Variants in RBFOX1 observed in about 807,000 individuals in gnomAD.
RBFOX1 encodes RNA binding protein fox-1 homolog 1.
A neutral mutation model predicts 57.7 loss-of-function variants in RBFOX1; 8 were observed. That is an observed-to-expected ratio of 0.14 (90% confidence interval 0.08 to 0.25). RBFOX1 has a LOEUF of 0.25. Among genes scored for constraint, RBFOX1 ranks in the 10% least tolerant of loss-of-function variants. RBFOX1 has a pLI of 1.00. For synonymous variants in RBFOX1, 326 were observed against 222.4 expected, an observed-to-expected ratio of 1.47 and a Z score of -4.15; for missense variants, 611 against 548.5, an observed-to-expected ratio of 1.11 and a Z score of -1.14.
chr16:7,231,033 C>G (rs1462849705), intron 4 of RBFOX1, among the ~76,000 whole-genome samples: 2 of 152,252 alleles, frequency 1.3e-5, no homozygotes, highest in East Asian at 3.9e-4. Context: ...CTCTAGCCCC[C>G]TGAGCATCAG....
intron 3 of RBFOX1, among the ~76,000 whole-genome samples, chr16:6,665,508 G>T (rs1002384105): frequency 6.6e-6 from 1 of 151,524 alleles, no homozygotes; most frequent in African/African-American, 2.4e-5. Flanking sequence ...ACCTGTAATC[G>T]CAGCTACTTG....
At chr16:6,292,260 TA>T (rs1023342783) in intron 1 of RBFOX1, among the ~76,000 whole-genome samples, 14 of 152,032 alleles carry the variant, frequency 9.2e-5, no homozygotes, top group Admixed American at 8.5e-4. Flanking sequence ...ATGCCATCTC[TA>T]AAAATAAAAT....
chr16:7,545,075 A>C (rs1601462953), intron 5 of RBFOX1, among the ~76,000 whole-genome samples: 1 of 152,348 alleles, frequency 6.6e-6, no homozygotes, highest in East Asian at 1.9e-4. Flanking sequence ...CATGCAGAAT[A>C]AAAGCTATCA....
chr16:6,792,572 T>G (rs2083177628), intron 3 of RBFOX1, among the ~76,000 whole-genome samples: 1 of 152,232 alleles, frequency 6.6e-6, no homozygotes, highest in South Asian at 2.1e-4. Context: ...CTCAACGCCA[T>G]GTAGTACTGT....
chr16:5,750,987 C>T (rs981110942), intron 3 of RBFOX1, among the ~76,000 whole-genome samples: 13 of 152,252 alleles, frequency 8.5e-5, no homozygotes, highest in Admixed American at 1.3e-4. Flanking sequence ...TGTTCCTATT[C>T]GGCAATCTTG....
chr16:5,469,000 G>C (rs557783380), intron 2 of RBFOX1, among the ~76,000 whole-genome samples: 2 of 152,204 alleles, frequency 1.3e-5, no homozygotes, highest in South Asian at 2.1e-4. Context: ...GTGTCTGCCC[G>C]TGCTGTGGTC....
intron 3 of RBFOX1, among the ~76,000 whole-genome samples, chr16:5,716,828 T>G (rs189767940): frequency 1.1e-4 from 16 of 152,334 alleles, no homozygotes; most frequent in African/African-American, 3.8e-4. Context: ...CCAGGTTGCA[T>G]GACCATCAGT....
chr16:6,411,781 T>C (rs765960488), intron 2 of RBFOX1, among the ~76,000 whole-genome samples: 1 of 152,242 alleles, frequency 6.6e-6, no homozygotes, highest in Non-Finnish European at 1.5e-5. Context: ...AAGTCAGCCC[T>C]GTACAGTGAC....
intron 3 of RBFOX1, among the ~76,000 whole-genome samples, chr16:6,826,137 A>G (rs1189115274): frequency 6.6e-6 from 1 of 151,582 alleles, no homozygotes; most frequent in Non-Finnish European, 1.5e-5. Context: ...ACTTCTCCCT[A>G]CCCCAGTTTT....
chr16:6,931,370 CACATATATACAT>C (rs2076532044), intron 3 of RBFOX1, among the ~76,000 whole-genome samples: 1 of 148,640 alleles, frequency 6.7e-6, no homozygotes, highest in Admixed American at 6.6e-5. Flanking sequence ...CACATACATA[CACATATATACAT>C]ACATATATGT....
intron 1 of RBFOX1, among the ~76,000 whole-genome samples, chr16:6,148,899 C>A (rs186764276): frequency 6.6e-6 from 1 of 152,184 alleles, no homozygotes; most frequent in African/African-American, 2.4e-5. Flanking sequence ...CCCCTCCCTG[C>A]CACGTAATGA....
At chr16:5,411,387 G>T (rs1036205267) in intron 1 of RBFOX1, among the ~76,000 whole-genome samples, 4 of 152,172 alleles carry the variant, frequency 2.6e-5, no homozygotes, top group African/African-American at 9.7e-5. Context: ...GATGGAGGAA[G>T]GGGCCATGAG....
At chr16:7,131,190 C>T (rs747653478) in intron 4 of RBFOX1, among the ~76,000 whole-genome samples, 1 of 151,764 alleles carries the variant, frequency 6.6e-6, no homozygotes, top group Non-Finnish European at 1.5e-5. Context: ...ACTAAAAATA[C>T]AAAAAGTTAG....
At chr16:7,285,544 G>A (rs755790567) in intron 4 of RBFOX1, among the ~76,000 whole-genome samples, 11 of 140,806 alleles carry the variant, frequency 7.8e-5, no homozygotes, top group African/African-American at 1.6e-4. Context: ...AACCACCCCC[G>A]CCCCCACTCC....
At chr16:6,690,500 G>A (rs1457941350) in intron 3 of RBFOX1, among the ~76,000 whole-genome samples, 1 of 151,930 alleles carries the variant, frequency 6.6e-6, no homozygotes, top group East Asian at 1.9e-4. Context: ...TAACCTATTT[G>A]TTTAAAAAAA....
chr16:6,794,415 C>G (rs188791419), intron 3 of RBFOX1, among the ~76,000 whole-genome samples: 7 of 151,276 alleles, frequency 4.6e-5, no homozygotes, highest in Non-Finnish European at 8.8e-5. Flanking sequence ...TTACCTGCTG[C>G]TTTTCTATTG....
At chr16:6,689,889 G>A (rs1365141905) in intron 3 of RBFOX1, among the ~76,000 whole-genome samples, 2 of 152,174 alleles carry the variant, frequency 1.3e-5, no homozygotes, top group African/African-American at 4.8e-5. Context: ...TTTGTTTCAT[G>A]CTTGTGAGTG....
rs2057200128 is a variant in RBFOX1, at chr16:5,861,036, G to A, written c.319-6267G>A. On this transcript the variant is annotated intron_variant, in intron 3 of 19. Coordinates refer to the RBFOX1 transcript ENST00000641259. ...AAACTGGGTTTGAGCTTTGTGGCTG[G>A]TGTACCAGAGAGAACCAGCTGCAAG... 2.0e-5 allele frequency among the ~76,000 whole-genome samples: 3 copies of A among 152,198 alleles called. No individual in the cohort carries two copies. In the South Asian group the frequency reaches 6.2e-4, roughly 32 times the overall value.
At chr16:6,863,526 A>G (rs982377216) in intron 3 of RBFOX1, among the ~76,000 whole-genome samples, 16 of 152,038 alleles carry the variant, frequency 1.1e-4, no homozygotes, top group Admixed American at 2.0e-4. Context: ...TTTAATACTA[A>G]TTACAATTAT....
Sources: gnomAD v4.1 joint callset for allele counts (sites outside exome capture counted in the v4.1 genomes callset) on GRCh38, gnomAD v4.1.1 for gene constraint, MANE v1.5 for transcripts, NCBI Gene and HGNC (gene_info 2026-07-23, HGNC 2026-07-21) for gene names.